VPS13B: variants seen among roughly 807,000 people sequenced by gnomAD.
VPS13B encodes the protein intermembrane lipid transfer protein VPS13B.
In VPS13B, 285 loss-of-function variants were observed where a neutral mutation model predicts 426.4. That is an observed-to-expected ratio of 0.67 (90% CI 0.61 to 0.74). The LOEUF is 0.74. Ranked by LOEUF, VPS13B falls within the 30% of genes least tolerant of loss-of-function variation. The pLI, the probability that VPS13B is intolerant of heterozygous loss-of-function variation, is 0.00. For synonymous variants in VPS13B, 1,676 were observed against 1,676.4 expected, an observed-to-expected ratio of 1.00 and a Z score of 0.01; for missense variants, 4,537 against 4,782.6, an observed-to-expected ratio of 0.95 and a Z score of 1.51.
intron 19 of VPS13B, among the ~76,000 whole-genome samples, chr8:99,308,727 C>T (rs1820783560): frequency 6.6e-6 from 1 of 152,182 alleles, no homozygotes; most frequent in African/African-American, 2.4e-5. Context: ...ATGGTAATTT[C>T]TAGTTCTAGA....
At chr8:99,824,020 AG>A in intron 51 of VPS13B, 42 bp downstream of exon 51, 1 of 1,600,414 alleles carries the variant, frequency 6.2e-7, no homozygotes, top group Non-Finnish European at 8.5e-7. Context: ...GTTTTGATAA[AG>A]AAACAATAAA....
chr8:99,018,950 T>C (rs947494426), intron 2 of VPS13B, among the ~76,000 whole-genome samples: 3 of 152,162 alleles, frequency 2.0e-5, no homozygotes, highest in African/African-American at 4.8e-5. Context: ...TTTTTACATA[T>C]TGTTGGATTC....
intron 3 of VPS13B, among the ~76,000 whole-genome samples, chr8:99,077,985 TTTTTA>T (rs1845227041): frequency 6.6e-6 from 1 of 152,112 alleles, no homozygotes; most frequent in South Asian, 2.1e-4. Flanking sequence ...TCAGTTGTAT[TTTTTA>T]TTTTATTCAT....
chr8:99,234,554 G>A (rs1816535833), intron 17 of VPS13B: 1 of 441,714 alleles, frequency 2.3e-6, no homozygotes. Context: ...TGGGGTTCGG[G>A]GGCCGCGTGG....
intron 19 of VPS13B, among the ~76,000 whole-genome samples, chr8:99,313,238 A>C (rs1821113067): frequency 6.6e-6 from 1 of 152,092 alleles, no homozygotes; most frequent in South Asian, 2.1e-4. Flanking sequence ...GAGGGGGAGA[A>C]GCGCTCTGAT....
Position 99,641,950 on chromosome 8 carries a change from G to T in VPS13B, c.5360G>T (p.Ser1787Ile), listed in dbSNP as rs1085307957. The change falls in exon 34 of 62, where the codon AGT becomes ATT. Residue 1787 changes from serine (S) to isoleucine (I), a missense_variant. By Grantham distance (142) the Ser-to-Ile change is moderately radical. This residue lies in a region of VPS13B where 4,311 missense variants were observed against 4,474.3 expected (regional missense o/e 0.96). Coordinates refer to ENST00000357162, the MANE Select transcript of VPS13B (RefSeq NM_152564.5). Reference protein sequence around the residue: ...KIRIVQIEQHSGASQHRIARP... With the variant: ...KIRIVQIEQHIGASQHRIARP... ...AGAATAGTGCAAATAGAGCAGCACA[G>T]TGGTGCCAGTCAGCATCGCATTGCC... 1 of 1,614,136 alleles carries T rather than the reference G, an allele frequency of 6.2e-7. No homozygotes were observed. The highest frequency in any genetic ancestry group is 1.1e-5 in the South Asian group (1 of 91,084).
chr8:99,669,098 G>A (rs1326406179), intron 35 of VPS13B, among the ~76,000 whole-genome samples: 1 of 152,118 alleles, frequency 6.6e-6, no homozygotes, highest in Non-Finnish European at 1.5e-5. Flanking sequence ...AAAAAAATTA[G>A]CATTAGATCA....
At chr8:99,326,372 CTAATTGGTAAG>C (rs1360072996) in intron 19 of VPS13B, among the ~76,000 whole-genome samples, 1 of 142,856 alleles carries the variant, frequency 7.0e-6, no homozygotes, top group Admixed American at 7.3e-5. Flanking sequence ...GTGAATTTGT[CTAATTGGTAAG>C]TAAGTAGTTT....
chr8:99,328,460 A>G (rs1352514985), intron 19 of VPS13B, among the ~76,000 whole-genome samples: 1 of 152,166 alleles, frequency 6.6e-6, no homozygotes, highest in African/African-American at 2.4e-5. Context: ...GAAAACAGAT[A>G]TGAAGTAGGG....
intron 23 of VPS13B, among the ~76,000 whole-genome samples, chr8:99,449,409 G>T (rs1187931457): frequency 6.6e-6 from 1 of 152,168 alleles, no homozygotes; most frequent in East Asian, 1.9e-4. Flanking sequence ...AAATAAATCT[G>T]ATGAGCTGCT....
At position 99,192,772 on chromosome 8, in the gene VPS13B, T is replaced by A. The variant is rs545008076; in HGVS notation, c.2334-104T>A. ...TTAAGTAGTATGTTTGCATACATAC[T>A]TTGGATGTATACCCTTTCTTCCCTT... On this transcript the variant is annotated intron_variant, in intron 16 of 61. Transcript: ENST00000357162. 1.2e-4 allele frequency: 146 copies of A among 1,211,114 alleles called. No homozygotes were observed. In the African/African-American group the frequency reaches 2.1e-3, roughly 17 times the overall value. The allele number at this position is 1,211,114 out of a possible 1,614,324, so 75.0% of individuals were successfully genotyped here.
intron 34 of VPS13B, among the ~76,000 whole-genome samples, chr8:99,650,789 A>C (rs991947460): frequency 7.4e-4 from 113 of 152,332 alleles, no homozygotes; most frequent in African/African-American, 2.6e-3. Flanking sequence ...GCAGGGGATT[A>C]CTGTATAAAA....
chr8:99,667,230 G>C (rs1830524690), intron 35 of VPS13B, among the ~76,000 whole-genome samples: 1 of 152,118 alleles, frequency 6.6e-6, no homozygotes, highest in Admixed American at 6.5e-5. Flanking sequence ...GATGCTGTTG[G>C]TCTGGGACTG....
At chr8:99,490,104 G>A (rs1820520952) in intron 25 of VPS13B, among the ~76,000 whole-genome samples, 1 of 152,260 alleles carries the variant, frequency 6.6e-6, no homozygotes, top group South Asian at 2.1e-4. Context: ...AGAGTTTTTA[G>A]CATGAAGGGC....
chr8:99,772,206 C>CT lies in VPS13B; in HGVS notation c.7248-4554dup, dbSNP rs765185137. ...TATGAACCTTGGGAGATTACTCTTC[C>CT]TTTTTTTTTTTTTTTAAGTTAGATT... is the stretch of plus-strand genomic sequence containing the variant. On this transcript the variant is annotated intron_variant, in intron 40 of 61. Coordinates refer to ENST00000357162, the MANE Select transcript of VPS13B (RefSeq NM_152564.5). Among the ~76,000 whole-genome samples, 296 of 140,650 alleles carry CT rather than the reference C, an allele frequency of 2.1e-3. 1 individual carries two copies. Among genetic ancestry groups the CT allele is most frequent in the Middle Eastern group, 0.015 (4 of 266 alleles). 92.3% of individuals were successfully genotyped at this position (140,650 alleles called of 152,430 possible).
At chr8:99,318,372 C>T (rs1413547971) in intron 19 of VPS13B, among the ~76,000 whole-genome samples, 4 of 152,114 alleles carry the variant, frequency 2.6e-5, no homozygotes, top group Admixed American at 2.6e-4. Context: ...AATATAGCCT[C>T]TTTATGGTAC....
intron 19 of VPS13B, among the ~76,000 whole-genome samples, chr8:99,315,304 C>A (rs1315875946): frequency 6.7e-6 from 1 of 150,212 alleles, no homozygotes; most frequent in Non-Finnish European, 1.5e-5. Context: ...CTGTGTCATG[C>A]AGGCTTTGTT....
chr8:99,496,927 T>C (rs1820918461), intron 25 of VPS13B, among the ~76,000 whole-genome samples: 1 of 151,728 alleles, frequency 6.6e-6, no homozygotes, highest in Non-Finnish European at 1.5e-5. Flanking sequence ...TTAGTGTTTT[T>C]TTCATTTTAA....
chr8:99,759,989 A>G lies in VPS13B; in HGVS notation c.7051-6785A>G, dbSNP rs143593370. Among the ~76,000 whole-genome samples the G allele has an allele frequency of 2.7e-5, 4 of 148,650 alleles. No homozygotes were observed. In the East Asian group the frequency reaches 7.9e-4, roughly 29 times the overall value. On this transcript the variant is annotated intron_variant, in intron 39 of 61. Coordinates refer to ENST00000357162, the MANE Select transcript of VPS13B (RefSeq NM_152564.5). ...TTTCTTTTTTTGTATTATTGTTATTATTTTTGAGACAGAGTCTCACTCTGT... is the reference window on the plus strand; with the variant it reads ...TTTCTTTTTTTGTATTATTGTTATTGTTTTTGAGACAGAGTCTCACTCTGT...
Sources: allele counts gnomAD v4.1 joint callset (sites outside exome capture counted in the v4.1 genomes callset), GRCh38; gene constraint gnomAD v4.1.1; regional missense constraint gnomAD v4.1.1; transcripts MANE v1.5; gene names NCBI Gene and HGNC (gene_info 2026-07-23, HGNC 2026-07-21).